DPY19L1: variants seen among roughly 807,000 people sequenced by gnomAD.
DPY19L1 encodes protein C-mannosyl-transferase DPY19L1.
A neutral mutation model predicts 96.9 loss-of-function variants in DPY19L1; 35 were observed. The ratio of observed to expected loss-of-function variants is 0.36; its 90% CI spans 0.28 to 0.48. DPY19L1 has a LOEUF of 0.48. Among genes scored for constraint, DPY19L1 ranks in the 20% least tolerant of loss-of-function variants. DPY19L1 has a pLI of 0.99. For synonymous variants in DPY19L1, 205 were observed against 252.6 expected, an observed-to-expected ratio of 0.81 and a Z score of 1.79; for missense variants, 521 against 777.9, an observed-to-expected ratio of 0.67 and a Z score of 3.93.
chr7:34,932,042 T>G (rs1314074725), intron 21 of DPY19L1, among the ~76,000 whole-genome samples: 8 of 152,188 alleles, frequency 5.3e-5, no homozygotes, highest in African/African-American at 1.9e-4. Context: ...TCTGGGCAGG[T>G]AGCTTCCCTT....
At position 35,014,437 on chromosome 7, in the gene DPY19L1, G is replaced by A. The variant is rs570624500; in HGVS notation, c.412-732C>T. ...GAAAATACTAGAAGCCTAACGGAGA[G>A]TCTAAGTGGCAGTATGAGGGAAGAC... On this transcript the variant is annotated intron_variant, in intron 3 of 21. Transcript: ENST00000638088. 2.0e-5 allele frequency among the ~76,000 whole-genome samples: 3 copies of A among 152,086 alleles called. No homozygotes were observed. The East Asian group carries it at 5.8e-4, about 29-fold the overall frequency.
chr7:35,012,217 G>A (rs1345279155), intron 4 of DPY19L1, among the ~76,000 whole-genome samples: 1 of 152,218 alleles, frequency 6.6e-6, no homozygotes, highest in East Asian at 1.9e-4. Context: ...CTTCTCACAA[G>A]GTAGGACAAC....
chr7:34,939,907 T>G (rs1783959973), intron 19 of DPY19L1, among the ~76,000 whole-genome samples: 1 of 152,138 alleles, frequency 6.6e-6, no homozygotes, highest in East Asian at 1.9e-4. Flanking sequence ...TGAATAAATT[T>G]TGAAAAAATT....
intron 7 of DPY19L1, among the ~76,000 whole-genome samples, chr7:34,986,054 G>C (rs1768238054): frequency 6.6e-6 from 1 of 151,948 alleles, no homozygotes; most frequent in Non-Finnish European, 1.5e-5. Flanking sequence ...AATAAACCAA[G>C]CACAGGAAGG....
At position 35,013,047 on chromosome 7, in the gene DPY19L1, C is replaced by T. The variant is rs329228; in HGVS notation, c.549+521G>A. On this transcript the variant is annotated intron_variant, in intron 4 of 21. Transcript: ENST00000638088. ...AGGTAAATAAGTAGTTTCAAAAACA[C>T]TGCTGGTGGATAGTTCAATATCTAT... 1.5e-3 allele frequency among the ~76,000 whole-genome samples: 229 copies of T among 152,294 alleles called. 1 individual carries two copies. The highest frequency in any genetic ancestry group is 5.3e-3 in the African/African-American group (222 of 41,562).
intron 1 of DPY19L1, among the ~76,000 whole-genome samples, chr7:35,032,474 C>G (rs1188535632): frequency 1.3e-5 from 2 of 152,156 alleles, no homozygotes; most frequent in Non-Finnish European, 2.9e-5. Flanking sequence ...AGTAAGCCCC[C>G]TATCAGTATA....
intron 9 of DPY19L1, 36 bp from the exon 10 acceptor site, chr7:34,967,007 A>C: frequency 7.0e-7 from 1 of 1,424,382 alleles, no homozygotes. Context: ...TAAAAAAGAT[A>C]AAATGAATAG....
intron 21 of DPY19L1, among the ~76,000 whole-genome samples, chr7:34,932,482 T>C (rs766704037): frequency 1.3e-5 from 2 of 152,196 alleles, no homozygotes; most frequent in Admixed American, 6.5e-5. Context: ...GTTGTATGGG[T>C]ATTTGAAATA....
chr7:34,982,386 T>C (rs1326044490), intron 7 of DPY19L1, among the ~76,000 whole-genome samples: 4 of 152,346 alleles, frequency 2.6e-5, no homozygotes, highest in Admixed American at 1.3e-4. Context: ...TAGAAAAATG[T>C]CTGTGTCAGT....
At chr7:34,967,315 A>T (rs1784632146) in intron 9 of DPY19L1, among the ~76,000 whole-genome samples, 1 of 152,214 alleles carries the variant, frequency 6.6e-6, no homozygotes, top group African/African-American at 2.4e-5. Context: ...TAATTATAAC[A>T]TGACAACTAA....
chr7:35,036,936 G>A (rs1258801012), intron 1 of DPY19L1, among the ~76,000 whole-genome samples, 161 bp downstream of exon 1: 4 of 148,942 alleles, frequency 2.7e-5, no homozygotes, highest in African/African-American at 9.8e-5. Flanking sequence ...GAATGTCCCA[G>A]AGAAAAAGTC....
At position 34,947,690 on chromosome 7, in the gene DPY19L1, T is replaced by A. The variant is rs372502374; in HGVS notation, c.1434A>T (p.Arg478Ser). 2.5e-5 allele frequency: 40 copies of A among 1,610,038 alleles called. No homozygotes were observed. Among genetic ancestry groups the A allele is most frequent in the Non-Finnish European group, 3.4e-5 (40 of 1,178,626 alleles). ...CTGGAAGCAATAATGTCTTTGTGTATCTCAGTGGAGTCTGAAATTCAAAGA... is the reference window on the plus strand; with the variant it reads ...CTGGAAGCAATAATGTCTTTGTGTAACTCAGTGGAGTCTGAAATTCAAAGA... ...FDFMEKETPL[R>S]YTKTLLLPVV... Residue 478 changes from arginine to serine, a missense_variant, in exon 15 of 22, where the codon AGA becomes AGT. By Grantham distance (110) the Arg-to-Ser change is moderately radical. Coordinates refer to ENST00000638088, the MANE Select transcript of DPY19L1 (RefSeq NM_001366673.1).
rs965878046 is a variant in DPY19L1 at position 34,929,462 on chromosome 7, G to T, written c.*2111C>A. 10 of 152,208 alleles carry T rather than the reference G, an allele frequency of 6.6e-5. No homozygotes were observed. Among genetic ancestry groups the T allele is most frequent in the African/African-American group, 2.4e-4 (10 of 41,446 alleles). The allele number at this position is 152,208 out of a possible 1,614,324, so 9.4% of individuals were successfully genotyped here. A position where few individuals can be genotyped will look rare whatever the true frequency, so the allele number is the denominator to read the frequency against. Reference sequence around the variant, plus strand: ...TTACTTTTAATGGTTCCCAGCAAATGAAGCAGTTATAATAGTATTTTTAAT... The same window carrying T: ...TTACTTTTAATGGTTCCCAGCAAATTAAGCAGTTATAATAGTATTTTTAAT... On this transcript the variant is annotated 3_prime_UTR_variant, in exon 22 of 22. Transcript: ENST00000638088.
chr7:34,929,086 C>A lies in DPY19L1; in HGVS notation c.*2487G>T, dbSNP rs1347781365. The A allele has an allele frequency of 6.6e-6, 1 of 152,172 alleles. No individual in the cohort carries two copies. Among genetic ancestry groups the A allele is most frequent in the East Asian group, 1.9e-4 (1 of 5,202 alleles). 9.4% of individuals were successfully genotyped at this position (152,172 alleles called of 1,614,324 possible). ...GGCTTATCTTTTTAAAGAAATACAG[C>A]CCCAACTTTGTTTTCGAAAATGTTG... On this transcript the variant is annotated 3_prime_UTR_variant, in exon 22 of 22. Coordinates refer to ENST00000638088, the MANE Select transcript of DPY19L1 (RefSeq NM_001366673.1).
At chr7:34,959,924 TTTA>T (rs1562806982) in intron 10 of DPY19L1, among the ~76,000 whole-genome samples, 5,358 of 50,610 alleles carry the variant, frequency 0.11, 98 homozygotes, top group Middle Eastern at 0.2. Context: ...TATATATATA[TTTA>T]TATATATATA....
At chr7:34,944,433 T>C (rs542551733) in intron 16 of DPY19L1, among the ~76,000 whole-genome samples, 17 of 150,846 alleles carry the variant, frequency 1.1e-4, no homozygotes, top group Non-Finnish European at 2.5e-4. Flanking sequence ...TCGACAATCC[T>C]TCTCCCCCCA....
intron 6 of DPY19L1, among the ~76,000 whole-genome samples, chr7:34,998,301 CAA>C (rs1358034614): frequency 2.6e-5 from 4 of 152,098 alleles, no homozygotes; most frequent in Non-Finnish European, 5.9e-5. Flanking sequence ...GGTAAAAATT[CAA>C]AAGAGGGGGA....
chr7:34,966,210 T>C (rs1784604669), intron 10 of DPY19L1, among the ~76,000 whole-genome samples: 2 of 152,148 alleles, frequency 1.3e-5, no homozygotes, highest in South Asian at 4.1e-4. Context: ...ATCTTCTGTC[T>C]TCCCTCTTTC....
intron 21 of DPY19L1, among the ~76,000 whole-genome samples, chr7:34,934,820 C>T (rs137871790): frequency 5.9e-4 from 90 of 152,298 alleles, no homozygotes; most frequent in African/African-American, 2.1e-3. Context: ...GTTCACCCTC[C>T]GCTCACCTCC....
Sources: gnomAD v4.1 joint callset for allele counts (sites outside exome capture counted in the v4.1 genomes callset) on GRCh38, gnomAD v4.1.1 for gene constraint, MANE v1.5 for transcripts, NCBI Gene and HGNC (gene_info 2026-07-23, HGNC 2026-07-21) for gene names.